The following MAP3K3 variants were observed in gnomAD, a reference collection of about 807,000 sequenced individuals.
MAP3K3 encodes mitogen-activated protein kinase kinase kinase 3, also known as MAP/ERK kinase kinase 3.
Under a neutral mutation model 80.9 loss-of-function variants are expected in MAP3K3, and 12 were observed. That is an observed-to-expected ratio of 0.15 (90% CI 0.10 to 0.24). The LOEUF (loss-of-function observed/expected upper bound fraction) is 0.24, where lower values mean the gene tolerates loss of function less well. MAP3K3 is among the 10% of genes least tolerant of loss of function. The pLI, the probability that MAP3K3 is intolerant of heterozygous loss-of-function variation, is 1.00. For missense variants in MAP3K3, 596 were observed against 834.7 expected (o/e 0.71, Z 3.52); for synonymous variants, 272 against 307.1 (o/e 0.89, Z 1.19).
At chr17:63,634,265 C>T (rs930251047) in intron 2 of MAP3K3, among the ~76,000 whole-genome samples, 1 of 152,188 alleles carries the variant, frequency 6.6e-6, no homozygotes, top group Admixed American at 6.5e-5. Flanking sequence ...ACTTTCCTTC[C>T]TGTCTTCCTA....
At chr17:63,641,433 G>T (rs1359846453) in intron 2 of MAP3K3, among the ~76,000 whole-genome samples, 1 of 151,950 alleles carries the variant, frequency 6.6e-6, no homozygotes, top group Non-Finnish European at 1.5e-5. Flanking sequence ...AGTAGAGACG[G>T]GGTTTCACCA....
intron 5 of MAP3K3, 54 bp from the exon 6 acceptor site, chr17:63,666,886 G>T: frequency 6.2e-7 from 1 of 1,602,530 alleles, no homozygotes; most frequent in South Asian, 1.1e-5. Flanking sequence ...AGAAGACCTT[G>T]ATAGGCCTGA....
chr17:63,681,316 T>C (rs1362045410), intron 6 of MAP3K3, among the ~76,000 whole-genome samples: 1 of 152,018 alleles, frequency 6.6e-6, no homozygotes, highest in Non-Finnish European at 1.5e-5. Context: ...TTCAGTTACC[T>C]TTCCCTGGTC....
chr17:63,648,555 G>A (rs549901391), intron 3 of MAP3K3, among the ~76,000 whole-genome samples: 1 of 152,308 alleles, frequency 6.6e-6, no homozygotes, highest in South Asian at 2.1e-4. Flanking sequence ...GCCGGGTGTG[G>A]TGGCTCACGC....
chr17:63,678,473 TC>T (rs1460867571), intron 6 of MAP3K3, among the ~76,000 whole-genome samples: 2 of 152,090 alleles, frequency 1.3e-5, no homozygotes, highest in African/African-American at 4.8e-5. Context: ...AGACAGGAAA[TC>T]CAGCAAAATT....
intron 2 of MAP3K3, among the ~76,000 whole-genome samples, chr17:63,643,503 C>A (rs930156946): frequency 6.6e-6 from 1 of 151,862 alleles, no homozygotes; most frequent in Non-Finnish European, 1.5e-5. Flanking sequence ...AGGAGTAAGA[C>A]CCTGTCTCAA....
chr17:63,660,892 C>T (rs1447638772), intron 5 of MAP3K3, among the ~76,000 whole-genome samples: 2 of 152,050 alleles, frequency 1.3e-5, no homozygotes, highest in East Asian at 1.9e-4. Context: ...CACTGCACCC[C>T]GCCTTGGATT....
chr17:63,672,356 C>A (rs981814757), intron 6 of MAP3K3, among the ~76,000 whole-genome samples: 1 of 151,274 alleles, frequency 6.6e-6, no homozygotes, highest in African/African-American at 2.4e-5. Context: ...TAAATTACTG[C>A]TTTGTGGAGA....
chr17:63,662,797 A>G (rs1046339184), intron 5 of MAP3K3, among the ~76,000 whole-genome samples: 2 of 151,342 alleles, frequency 1.3e-5, no homozygotes, highest in African/African-American at 4.9e-5. Context: ...AGCTGGGATT[A>G]CAGGCGTGCG....
Position 63,634,315 on chromosome 17 carries a change from C to T in MAP3K3, c.126+1513C>T, listed in dbSNP as rs114308744. Among the ~76,000 whole-genome samples, 323 of 152,272 alleles carry T rather than the reference C, an allele frequency of 2.1e-3. 2 individuals carry two copies. Among genetic ancestry groups the T allele is most frequent in the African/African-American group, 7.2e-3 (300 of 41,568 alleles). On this transcript the variant is annotated intron_variant, in intron 2 of 15. Transcript: ENST00000361733. Reference sequence around the variant, plus strand: ...GCTAACATTGCTCCAGTTAGCTGATCTTTCTCCAGACTGGACTATTAGCAT... The same window carrying T: ...GCTAACATTGCTCCAGTTAGCTGATTTTTCTCCAGACTGGACTATTAGCAT...
chr17:63,628,351 T>C (rs1046409996), intron 1 of MAP3K3, among the ~76,000 whole-genome samples: 22 of 152,104 alleles, frequency 1.4e-4, no homozygotes, highest in Admixed American at 3.9e-4. Context: ...TTATATATTG[T>C]CTAATTCTGT....
rs972197613 is a variant in MAP3K3 at position 63,689,038 on chromosome 17, C to T, written c.871+157C>T. 1.3e-5 allele frequency: 8 copies of T among 617,392 alleles called. No homozygotes were observed. The highest frequency in any genetic ancestry group is 8.7e-5 in the Admixed American group (3 of 34,538). 38.2% of individuals were successfully genotyped at this position (617,392 alleles called of 1,614,324 possible). ...ATGGGAGACAGGAAAAAAACAAAAA[C>T]AAAAACAGGGAAGATAGTATTTGTA... On this transcript the variant is annotated intron_variant, in intron 10 of 15. Transcript: ENST00000361733. The surrounding 1 kb of genome is among the most constrained non-coding windows in gnomAD (Gnocchi z 4.3).
At chr17:63,629,200 C>A (rs113155878) in intron 1 of MAP3K3, among the ~76,000 whole-genome samples, 35,602 of 151,810 alleles carry the variant, frequency 0.23, 4,360 homozygotes, top group Middle Eastern at 0.34. Context: ...TCAGCTCACA[C>A]CAACCTCCGC....
chr17:63,665,747 C>G (rs984876935), intron 5 of MAP3K3, among the ~76,000 whole-genome samples: 1 of 152,176 alleles, frequency 6.6e-6, no homozygotes, highest in Non-Finnish European at 1.5e-5. Flanking sequence ...ACATTCACTT[C>G]CCCCTTGGTT....
chr17:63,676,011 A>G (rs986448528), intron 6 of MAP3K3, among the ~76,000 whole-genome samples: 1 of 152,184 alleles, frequency 6.6e-6, no homozygotes, highest in African/African-American at 2.4e-5. Flanking sequence ...AAGATTAAAA[A>G]CAAAACTGAA....
In MAP3K3 at chr17:63,689,569, G is replaced by A. The variant is rs780958866; in HGVS notation, c.897G>A (p.Arg299=). The A allele has an allele frequency of 6.2e-7, 1 of 1,613,666 alleles. No individual in the cohort carries two copies. Among genetic ancestry groups the A allele is most frequent in the East Asian group, 2.2e-5 (1 of 44,872 alleles). ...SDGRRTFPRI[R]RHQGNLFTLV... is the part of the protein sequence containing the mutation. ...GCAGAAGAACATTTCCCCGAATACG[G>A]CGTCATCAAGGCAACTTGTTCACCC... Residue 299 remains arginine, a synonymous_variant, in exon 11 of 16, where the codon CGG becomes CGA. Coordinates refer to ENST00000361733, the MANE Select transcript of MAP3K3 (RefSeq NM_002401.5). The surrounding 1 kb of genome is among the most constrained non-coding windows in gnomAD (Gnocchi z 4.3).
chr17:63,663,036 G>A (rs1234288765), intron 5 of MAP3K3, among the ~76,000 whole-genome samples: 1 of 151,960 alleles, frequency 6.6e-6, no homozygotes, highest in Admixed American at 6.6e-5. Flanking sequence ...TGCCTCCACG[G>A]TTGGAAATCA....
chr17:63,681,150 A>T (rs1229171246), intron 6 of MAP3K3, among the ~76,000 whole-genome samples: 1 of 151,932 alleles, frequency 6.6e-6, no homozygotes, highest in African/African-American at 2.4e-5. Flanking sequence ...ATTACTCATA[A>T]GCCAGGAAGT....
intron 4 of MAP3K3, among the ~76,000 whole-genome samples, chr17:63,656,687 A>C (rs2034776358): frequency 6.6e-6 from 1 of 152,198 alleles, no homozygotes; most frequent in Non-Finnish European, 1.5e-5. Flanking sequence ...TGAATCTCTT[A>C]ATACCAAGTA....
Sources: allele counts gnomAD v4.1 joint callset (sites outside exome capture counted in the v4.1 genomes callset), GRCh38; gene constraint gnomAD v4.1.1; non-coding constraint Gnocchi (gnomAD v3.1); transcripts MANE v1.5; gene names NCBI Gene and HGNC (gene_info 2026-07-23, HGNC 2026-07-21).